SATB2: variants seen among roughly 807,000 people sequenced by gnomAD.
SATB2 encodes DNA-binding protein SATB2.
In SATB2, 1 loss-of-function variant was observed where a neutral mutation model predicts 73.4. The ratio of observed to expected loss-of-function variants is 0.01; its 90% CI spans 0.00 to 0.06. The LOEUF (loss-of-function observed/expected upper bound fraction) is 0.06. Ranked by LOEUF, SATB2 falls within the 10% of genes least tolerant of loss-of-function variation. The probability of loss-of-function intolerance (pLI) is 1.00; values close to 1 mark genes in which losing one functional copy is unlikely to be tolerated. For synonymous variants in SATB2, 397 were observed against 367.0 expected (o/e 1.08, Z -0.93); for missense variants, 459 against 945.8 (o/e 0.49, Z 6.75).
Position 199,433,488 on chromosome 2 carries a change from C to T in SATB2, c.196G>A (p.Val66Met), listed in dbSNP as rs1252596825. The stretch of plus-strand genomic sequence containing the variant: ...TCAAGAGAGCCGTCCAACTGCTCCA[C>T]GACACAAAAGACAGGAATCATCAAA... Reference protein sequence around the residue: ...GGLMIPVFCVVEQLDGSLEYD... With the variant: ...GGLMIPVFCVMEQLDGSLEYD... The change falls in exon 3 of 11, where the codon GTG becomes ATG. Residue 66 changes from valine (V) to methionine (M), a missense_variant. By Grantham distance (21) the Val-to-Met change is conservative. This residue lies in a region of SATB2 where 74 missense variants were observed against 113.3 expected (regional missense o/e 0.65). Transcript: ENST00000417098. The T allele has an allele frequency of 6.2e-7, 1 of 1,614,084 alleles. No homozygotes were observed. The highest frequency in any genetic ancestry group is 8.5e-7 in the Non-Finnish European group (1 of 1,179,996).
At chr2:199,353,264 C>A (rs1429576493) in intron 6 of SATB2, among the ~76,000 whole-genome samples, 1 of 143,142 alleles carries the variant, frequency 7.0e-6, no homozygotes, top group African/African-American at 2.6e-5. Flanking sequence ...AAGTGATTCT[C>A]ATGCCTCAGC....
At chr2:199,384,241 T>C (rs774284144) in intron 3 of SATB2, among the ~76,000 whole-genome samples, 9 of 152,184 alleles carry the variant, frequency 5.9e-5, no homozygotes, top group Non-Finnish European at 1.3e-4. Flanking sequence ...CTGCTACAGT[T>C]TGGTTTCTAT....
upstream of SATB2, among the ~76,000 whole-genome samples, chr2:199,461,777 T>C (rs1318117243): frequency 2.0e-5 from 3 of 152,252 alleles, no homozygotes; most frequent in Non-Finnish European, 4.4e-5. Context: ...GATCTTTATA[T>C]GCTAGTGTTA....
chr2:199,386,605 A>G (rs1274355727), intron 3 of SATB2, among the ~76,000 whole-genome samples: 4 of 152,188 alleles, frequency 2.6e-5, no homozygotes, highest in South Asian at 2.1e-4. Context: ...TATTCCCAAC[A>G]TTCACATTCT....
chr2:199,441,310 A>G (rs1222826685), intron 2 of SATB2, among the ~76,000 whole-genome samples: 2 of 152,208 alleles, frequency 1.3e-5, no homozygotes, highest in Non-Finnish European at 2.9e-5. Flanking sequence ...GAAATATTGA[A>G]TAAGAGTTAA....
Position 199,270,553 on chromosome 2 carries a change from C to T in SATB2, c.*1658G>A, listed in dbSNP as rs1459734206. On this transcript the variant is annotated 3_prime_UTR_variant, in exon 11 of 11. Transcript: ENST00000417098. ...CCAACCATGTGGGACTGTTTAATGG[C>T]CAGTTTAAAGCATGGATTACGTTCA... The T allele has an allele frequency of 1.3e-5, 2 of 151,118 alleles. No individual in the cohort carries two copies. The highest frequency in any genetic ancestry group is 2.4e-5 in the African/African-American group (1 of 41,104). The allele number at this position is 151,118 out of a possible 1,614,324, so 9.4% of individuals were successfully genotyped here.
intron 6 of SATB2, among the ~76,000 whole-genome samples, chr2:199,358,803 A>C (rs531982598): frequency 1.3e-5 from 2 of 152,272 alleles, no homozygotes; most frequent in African/African-American, 4.8e-5. Context: ...TTGCTAATAA[A>C]AGCTCCTAGG....
At chr2:199,375,273 T>C (rs183593821) in intron 5 of SATB2, among the ~76,000 whole-genome samples, 36 of 152,226 alleles carry the variant, frequency 2.4e-4, no homozygotes, top group African/African-American at 8.7e-4. Context: ...ATTAGGATGC[T>C]CAGGACAGCC....
intron 3 of SATB2, among the ~76,000 whole-genome samples, chr2:199,391,466 A>ACGAGTATTT (rs1364804363): frequency 5.9e-5 from 9 of 151,524 alleles, no homozygotes; most frequent in African/African-American, 2.2e-4. Flanking sequence ...AAAACAAAAA[A>ACGAGTATTT]CGAGTATTTT....
chr2:199,388,910 G>T (rs1030045514), intron 3 of SATB2, among the ~76,000 whole-genome samples: 2 of 152,068 alleles, frequency 1.3e-5, no homozygotes, highest in East Asian at 3.8e-4. Flanking sequence ...CCTCAGAGTG[G>T]TTGTGTTCAT....
At chr2:199,392,378 G>A (rs1433254069) in intron 3 of SATB2, among the ~76,000 whole-genome samples, 1 of 151,530 alleles carries the variant, frequency 6.6e-6, no homozygotes, top group African/African-American at 2.4e-5. Flanking sequence ...CCTTCTAAGT[G>A]TGAAGGACTT....
chr2:199,275,966 A>G (rs1321965570), intron 10 of SATB2, among the ~76,000 whole-genome samples: 1 of 152,136 alleles, frequency 6.6e-6, no homozygotes, highest in Non-Finnish European at 1.5e-5. Flanking sequence ...AAGATTCCCA[A>G]AGTTATCTGT....
In SATB2 at chr2:199,455,839, G is replaced by T; in HGVS notation, c.169+30C>A. The T allele has an allele frequency of 6.5e-7, 1 of 1,533,986 alleles. No homozygotes were observed. Among genetic ancestry groups the T allele is most frequent in the South Asian group, 1.2e-5 (1 of 83,948 alleles). On this transcript the variant is annotated intron_variant, in intron 2 of 10. Transcript: ENST00000417098. This position sits in a 1 kb window ranked among gnomAD's most constrained non-coding sequence, Gnocchi z 4.1. ...CCGGGCCATTATCACTGGGCCGCGG[G>T]CTGCGCGCCTCCCTGCTCCGGGCTG...
intron 2 of SATB2, among the ~76,000 whole-genome samples, chr2:199,446,478 C>T (rs1394261362): frequency 6.6e-6 from 1 of 151,508 alleles, no homozygotes; most frequent in African/African-American, 2.4e-5. Context: ...AGAAGGTGAT[C>T]GTATGAAAAA....
intron 10 of SATB2, among the ~76,000 whole-genome samples, chr2:199,279,164 T>C (rs1262875700): frequency 6.6e-6 from 1 of 152,218 alleles, no homozygotes; most frequent in Non-Finnish European, 1.5e-5. Flanking sequence ...GTTGTAAATA[T>C]ACTCAAAAGA....
upstream of SATB2, among the ~76,000 whole-genome samples, chr2:199,462,620 C>CA (rs1692501636): frequency 1.3e-5 from 2 of 152,174 alleles, no homozygotes; most frequent in Admixed American, 1.3e-4. This position sits in a 1 kb window ranked among gnomAD's most constrained non-coding sequence, Gnocchi z 5.9. Flanking sequence ...CCGCGCCAGG[C>CA]AAAGATAAAT....
At chr2:199,284,514 C>T (rs1032056875) in intron 10 of SATB2, among the ~76,000 whole-genome samples, 2 of 152,136 alleles carry the variant, frequency 1.3e-5, no homozygotes, top group East Asian at 3.8e-4. Flanking sequence ...CTACCTGAGG[C>T]TGGATTTGCC....
At chr2:199,353,834 G>A (rs1688892980) in intron 6 of SATB2, among the ~76,000 whole-genome samples, 1 of 152,078 alleles carries the variant, frequency 6.6e-6, no homozygotes, top group African/African-American at 2.4e-5. Flanking sequence ...TTTTCACTGT[G>A]TAATGGAAAA....
Position 199,350,285 on chromosome 2 carries a change from T to C in SATB2, c.701-1112A>G, listed in dbSNP as rs558679332. Among the ~76,000 whole-genome samples the C allele has an allele frequency of 4.6e-5, 7 of 152,180 alleles. No individual in the cohort carries two copies. In the South Asian group the frequency reaches 1.5e-3, roughly 32 times the overall value. On this transcript the variant is annotated intron_variant, in intron 6 of 10. Transcript: ENST00000417098. ...CATATAAAAAGTAACTGTCTCCCTA[T>C]TATACAAATGGAATGTGTGGTTTGC...
Sources: gnomAD v4.1 joint callset for allele counts (sites outside exome capture counted in the v4.1 genomes callset) on GRCh38, gnomAD v4.1.1 for gene constraint, gnomAD v4.1.1 regional missense constraint, Gnocchi (gnomAD v3.1) non-coding constraint, MANE v1.5 for transcripts, NCBI Gene and HGNC (gene_info 2026-07-23, HGNC 2026-07-21) for gene names.